RAB43: variants seen among roughly 807,000 people sequenced by gnomAD.
The protein encoded by RAB43 is RAB43, member RAS oncogene family.
Under a neutral mutation model 18.8 loss-of-function variants are expected in RAB43, and 6 were observed. The ratio of observed to expected loss-of-function variants is 0.32; its 90% CI spans 0.17 to 0.63. The LOEUF is 0.63. Ranked by LOEUF, RAB43 falls within the 30% of genes least tolerant of loss-of-function variation. The pLI, the probability that RAB43 is intolerant of heterozygous loss-of-function variation, is 0.79. For synonymous variants in RAB43, 103 were observed against 124.1 expected (o/e 0.83, Z 1.13); for missense variants, 195 against 289.1 (o/e 0.67, Z 2.36).
In RAB43 at chr3:129,095,182, G is replaced by C. The variant is rs768743383; in HGVS notation, c.205-13C>G. ...CCCAGATCTGCAGCTAAAGAAATAA[G>C]GTTCCTCAGTGAACCCAGTGGCACA... On this transcript the variant is annotated splice_polypyrimidine_tract_variant and intron_variant, in intron 1 of 2. Transcript: ENST00000315150. This position sits in a 1 kb window ranked among gnomAD's most constrained non-coding sequence, Gnocchi z 4.2. The C allele has an allele frequency of 1.2e-6, 2 of 1,611,592 alleles. No individual in the cohort carries two copies. The highest frequency in any genetic ancestry group is 1.7e-6 in the Non-Finnish European group (2 of 1,178,608).
chr3:129,103,267 G>T (rs1363775382), intron 1 of RAB43, among the ~76,000 whole-genome samples: 1 of 152,036 alleles, frequency 6.6e-6, no homozygotes, highest in Non-Finnish European at 1.5e-5. Context: ...CCTCCCTACC[G>T]CCACTCCAGC....
chr3:129,100,831 G>A (rs577048661), intron 1 of RAB43, among the ~76,000 whole-genome samples: 5 of 151,980 alleles, frequency 3.3e-5, no homozygotes, highest in South Asian at 2.1e-4. Context: ...TTTTTGAGAC[G>A]AGTCTCGCTC....
At chr3:129,114,009 G>A (rs945107910) in intron 1 of RAB43, among the ~76,000 whole-genome samples, 1 of 152,036 alleles carries the variant, frequency 6.6e-6, no homozygotes, top group Non-Finnish European at 1.5e-5. Context: ...ACTCCACCTG[G>A]TGACAGAGCG....
At chr3:129,121,240 C>T (rs966432124) in intron 1 of RAB43, 46 bp downstream of exon 1, 1 of 1,513,140 alleles carries the variant, frequency 6.6e-7, no homozygotes, top group Non-Finnish European at 9.0e-7. Flanking sequence ...GCCCCCGCCC[C>T]ACCCTCCGAG....
At chr3:129,120,977 C>G (rs184332820) in intron 1 of RAB43, among the ~76,000 whole-genome samples, 3 of 152,258 alleles carry the variant, frequency 2.0e-5, no homozygotes, top group African/African-American at 7.2e-5. Flanking sequence ...GTCTAACCCC[C>G]TGCCTTCCAA....
At position 129,110,913 on chromosome 3, in the gene RAB43, G is replaced by A. The variant is rs1166437960; in HGVS notation, c.204+10373C>T. Among the ~76,000 whole-genome samples the A allele has an allele frequency of 6.0e-5, 9 of 150,190 alleles. No individual in the cohort carries two copies. The East Asian group carries it at 1.7e-3, about 29-fold the overall frequency. The stretch of plus-strand genomic sequence containing the variant: ...CATAAAGATTTTTTTTTTTTTTAAG[G>A]AACTTGGGAGAGTGCTACTTTAGAC... On this transcript the variant is annotated intron_variant, in intron 1 of 2. Coordinates refer to ENST00000315150, the MANE Select transcript of RAB43 (RefSeq NM_198490.3).
chr3:129,102,952 G>A (rs1934520907), intron 1 of RAB43, among the ~76,000 whole-genome samples: 1 of 152,192 alleles, frequency 6.6e-6, no homozygotes, highest in African/African-American at 2.4e-5. Context: ...CTATTGGAGA[G>A]GCCAGGCCTA....
intron 1 of RAB43, among the ~76,000 whole-genome samples, chr3:129,103,066 G>A (rs983555390): frequency 3.9e-5 from 6 of 152,166 alleles, no homozygotes; most frequent in African/African-American, 1.2e-4. Flanking sequence ...ACCAGGAGCC[G>A]ACATTATAGA....
Position 129,115,545 on chromosome 3 carries a change from C to T in RAB43, c.204+5741G>A, listed in dbSNP as rs1050270651. On this transcript the variant is annotated intron_variant, in intron 1 of 2. Transcript: ENST00000315150. Reference sequence around the variant, plus strand: ...AAATAAAAATATTAAGTAGGCCAGGCGCGGTGGCTCACACCTGTAATCACA... The same window carrying T: ...AAATAAAAATATTAAGTAGGCCAGGTGCGGTGGCTCACACCTGTAATCACA... Among the ~76,000 whole-genome samples the T allele has an allele frequency of 5.3e-5, 8 of 152,032 alleles. No homozygotes were observed. The East Asian group carries it at 1.2e-3, about 22-fold the overall frequency.
chr3:129,108,087 G>A (rs1934900814), intron 1 of RAB43, among the ~76,000 whole-genome samples: 1 of 152,146 alleles, frequency 6.6e-6, no homozygotes, highest in African/African-American at 2.4e-5. Flanking sequence ...TCCCTCCCAG[G>A]GCCACAGCTC....
rs764029730 is a variant in RAB43, at chr3:129,094,948, G to T, written c.388+38C>A. On this transcript the variant is annotated intron_variant, in intron 2 of 2. Coordinates refer to ENST00000315150, the MANE Select transcript of RAB43 (RefSeq NM_198490.3). ...GCAGAGGGAGGCATGGACAGGCAGA[G>T]TGATGGGATTTGTGGTCCCGAGGAA... is the stretch of plus-strand genomic sequence containing the variant. 2.5e-6 allele frequency: 4 copies of T among 1,591,300 alleles called. No homozygotes were observed. The East Asian group carries it at 9.0e-5, about 36-fold the overall frequency.
chr3:129,121,448 C>T lies in RAB43; in HGVS notation c.42G>A (p.Gln14=), dbSNP rs2107591067. 1.2e-6 allele frequency: 2 copies of T among 1,613,102 alleles called. No homozygotes were observed. The highest frequency in any genetic ancestry group is 1.7e-6 in the Non-Finnish European group (2 of 1,179,618). The part of the protein sequence containing the change: ...PGPGPGDPDE[Q]YDFLFKLVLV... ...GCACCAGCTTGAACAGGAAATCGTA[C>T]TGCTCGTCCGGGTCCCCCGGGCCTG... is the stretch of plus-strand genomic sequence containing the variant. Residue 14 remains glutamine, a synonymous_variant, in exon 1 of 3, where the codon CAG becomes CAA. Transcript: ENST00000315150.
intron 1 of RAB43, among the ~76,000 whole-genome samples, 192 bp downstream of exon 1, chr3:129,121,094 G>A (rs1160870069): frequency 1.0e-5 from 1 of 100,080 alleles, no homozygotes; most frequent in Non-Finnish European, 1.9e-5. Flanking sequence ...GCAACCCACG[G>A]CCGGCGCTTT....
chr3:129,106,007 AG>A (rs1934759343), intron 1 of RAB43, among the ~76,000 whole-genome samples: 1 of 152,202 alleles, frequency 6.6e-6, no homozygotes, highest in Non-Finnish European at 1.5e-5. Context: ...CACTGTGGGC[AG>A]GTCCCAGTAG....
intron 1 of RAB43, among the ~76,000 whole-genome samples, chr3:129,113,223 T>C (rs1335194493): frequency 6.6e-6 from 1 of 151,604 alleles, no homozygotes; most frequent in Non-Finnish European, 1.5e-5. Context: ...TGGAGTGCAG[T>C]GGCACGATCT....
rs766970909 is a variant in RAB43 at position 129,121,463 on chromosome 3, C to T, written c.27G>A (p.Gly9=). 2 of 1,612,322 alleles carry T rather than the reference C, an allele frequency of 1.2e-6. No individual in the cohort carries two copies. Among genetic ancestry groups the T allele is most frequent in the Non-Finnish European group, 8.5e-7 (1 of 1,179,366 alleles). The change falls in exon 1 of 3, where the codon GGG becomes GGA. Residue 9 remains glycine (G), a synonymous_variant. Transcript: ENST00000315150. ...GGAAATCGTACTGCTCGTCCGGGTCCCCCGGGCCTGGGCCCGGCCCTGCCA... is the reference window on the plus strand; with the variant it reads ...GGAAATCGTACTGCTCGTCCGGGTCTCCCGGGCCTGGGCCCGGCCCTGCCA... MAGPGPGP[G]DPDEQYDFLF...
At chr3:129,092,231 G>A (rs921409269) in intron 2 of RAB43, among the ~76,000 whole-genome samples, 13 of 152,090 alleles carry the variant, frequency 8.5e-5, no homozygotes, top group Admixed American at 7.9e-4. Flanking sequence ...AATACAGACT[G>A]GCTATTTTAT....
intron 1 of RAB43, among the ~76,000 whole-genome samples, chr3:129,115,635 C>T (rs1935475707): frequency 6.6e-6 from 1 of 152,164 alleles, no homozygotes; most frequent in Admixed American, 6.5e-5. Flanking sequence ...GCCTGGCCAA[C>T]ATGGTGAAAC....
At chr3:129,117,456 T>C (rs535719683) in intron 1 of RAB43, among the ~76,000 whole-genome samples, 1 of 152,344 alleles carries the variant, frequency 6.6e-6, no homozygotes, top group East Asian at 1.9e-4. Flanking sequence ...AGATTCACTT[T>C]ATAAGTCCAG....
Sources: gnomAD v4.1 joint callset for allele counts (sites outside exome capture counted in the v4.1 genomes callset) on GRCh38, gnomAD v4.1.1 for gene constraint, Gnocchi (gnomAD v3.1) non-coding constraint, MANE v1.5 for transcripts, NCBI Gene and HGNC (gene_info 2026-07-23, HGNC 2026-07-21) for gene names.